RYR1: variants seen among roughly 807,000 people sequenced by gnomAD.
The protein encoded by RYR1 is ryanodine receptor 1, also known as central core disease of muscle.
RYR1 carries 342 observed loss-of-function variants against 583.5 expected under a neutral mutation model. That is an observed-to-expected ratio of 0.59 (90% CI 0.54 to 0.64). RYR1 has a LOEUF of 0.64. RYR1 is among the 30% of genes least tolerant of loss of function. RYR1 has a pLI of 0.00. For missense variants in RYR1, 6,032 were observed against 6,917.2 expected (o/e 0.87, Z 4.54); for synonymous variants, 2,791 against 2,822.5 (o/e 0.99, Z 0.35).
chr19:38,459,311 C>G lies in RYR1; in HGVS notation c.2333C>G (p.Pro778Arg). Reference protein sequence around the residue: ...ESFNLDGLFFPVVSFSAGVKV... With the variant: ...ESFNLDGLFFRVVSFSAGVKV... The stretch of plus-strand genomic sequence containing the variant: ...TTCAACCTGGACGGGCTCTTCTTCC[C>G]TGTTGTCAGCTTCTCGGCTGGTGTC... The change falls in exon 19 of 106, where the codon CCT (proline) becomes CGT (arginine). Residue 778 changes from proline (P) to arginine (R), a missense_variant. Pro to Arg is a moderately radical substitution (Grantham distance 103). This residue lies in a region of RYR1 where 2,627 missense variants were observed against 2,961.3 expected (regional missense o/e 0.89). Transcript: ENST00000359596. 1 of 1,614,090 alleles carries G rather than the reference C, an allele frequency of 6.2e-7. No individual in the cohort carries two copies. The highest frequency in any genetic ancestry group is 8.5e-7 in the Non-Finnish European group (1 of 1,180,002).
rs1320544963 is a variant in RYR1, at chr19:38,464,625, TC to T, written c.2787-9del. 6.4e-7 allele frequency: 1 copy of T among 1,568,108 alleles called. No homozygotes were observed. The highest frequency in any genetic ancestry group is 1.9e-5 in the Admixed American group (1 of 52,850). On this transcript the variant is annotated splice_polypyrimidine_tract_variant and intron_variant, in intron 22 of 105. Transcript: ENST00000359596. ...GAGGGGCGTGACCTGTCGCCTCCAC[TC>T]CCCCACCCCCAGGACTCTGCTGGCT...
intron 90 of RYR1, 58 bp from the exon 91 acceptor site, chr19:38,564,901 G>C: frequency 3.9e-6 from 6 of 1,538,804 alleles, no homozygotes; most frequent in Non-Finnish European, 5.2e-6. Context: ...CTGCGCTGTC[G>C]CTGCTGTCCG....
At chr19:38,585,805 C>T (rs1974459048) in intron 102 of RYR1, 133 bp from the exon 103 acceptor site, 3 of 1,117,870 alleles carry the variant, frequency 2.7e-6, no homozygotes, top group South Asian at 1.3e-5. Flanking sequence ...ATACTATCTT[C>T]TTAGGAAGCG....
At chr19:38,458,413 C>A in intron 18 of RYR1, 121 bp downstream of exon 18, 2 of 986,802 alleles carry the variant, frequency 2.0e-6, no homozygotes, top group South Asian at 2.8e-5. Flanking sequence ...AACTTTTGAC[C>A]TTTTAGTCCT....
At chr19:38,456,801 C>G (rs1266001411) in intron 16 of RYR1, among the ~76,000 whole-genome samples, 1 of 151,222 alleles carries the variant, frequency 6.6e-6, no homozygotes, top group Middle Eastern at 3.4e-3. Flanking sequence ...AATCCCAGCA[C>G]TTTGGGAGGC....
chr19:38,507,688 C>G (rs769357220), intron 57 of RYR1, 24 bp from the exon 58 acceptor site: 11 of 1,452,310 alleles, frequency 7.6e-6, no homozygotes, highest in Admixed American at 5.0e-5. Flanking sequence ...CTGGGCTGAT[C>G]CTTCTCTCCA....
intron 92 of RYR1, among the ~76,000 whole-genome samples, 196 bp from the exon 93 acceptor site, chr19:38,567,577 A>G (rs1973503449): frequency 6.6e-6 from 1 of 152,236 alleles, no homozygotes; most frequent in African/African-American, 2.4e-5. Context: ...GCCTGGTGTC[A>G]CTGTCACTGC....
chr19:38,437,723 G>A (rs1353051941), intron 1 of RYR1, among the ~76,000 whole-genome samples: 6 of 152,114 alleles, frequency 3.9e-5, no homozygotes, highest in East Asian at 1.9e-4. Flanking sequence ...GGCTGAGGTG[G>A]GAAGATCACT....
chr19:38,485,861 C>A lies in RYR1; in HGVS notation c.5206C>A (p.Pro1736Thr), dbSNP rs778862553. 2.5e-6 allele frequency: 4 copies of A among 1,613,658 alleles called. No individual in the cohort carries two copies. The African/African-American group carries it at 5.3e-5, about 22-fold the overall frequency. ...RRSMLSEYIV[P>T]LTPETRAITL... ...CTCCATGCTCTCTGAATACATCGTG[C>A]CCCTCACGCCTGAGACCCGCGCCAT... is the stretch of plus-strand genomic sequence containing the variant. The change falls in exon 34 of 106, where the codon CCC (proline) becomes ACC (threonine). Residue 1736 changes from proline (P) to threonine (T), a missense_variant. Pro to Thr is a conservative substitution (Grantham distance 38). This residue lies in a region of RYR1 where 2,627 missense variants were observed against 2,961.3 expected (regional missense o/e 0.89). Transcript: ENST00000359596.
intron 18 of RYR1, among the ~76,000 whole-genome samples, chr19:38,458,914 C>T (rs1051658893): frequency 4.6e-5 from 7 of 152,310 alleles, no homozygotes; most frequent in Middle Eastern, 3.4e-3. Context: ...CCACTGCATC[C>T]GGCCCCCAGG....
chr19:38,545,114 G>T (rs1278559839), intron 87 of RYR1, among the ~76,000 whole-genome samples: 2 of 152,040 alleles, frequency 1.3e-5, no homozygotes, highest in Non-Finnish European at 2.9e-5. Context: ...TAGCCTATTG[G>T]GTCACATGTC....
In RYR1 at chr19:38,500,096, C is replaced by T. The variant is rs1970039069; in HGVS notation, c.7323+80C>T. ...AACGCCTCATGCAGGCACTCGGTGA[C>T]ACGGAGTGAGCTCCCATATGTGGGT... On this transcript the variant is annotated intron_variant, in intron 45 of 105. Coordinates refer to ENST00000359596, the MANE Select transcript of RYR1 (RefSeq NM_000540.3). This position sits in a 1 kb window ranked among gnomAD's most constrained non-coding sequence, Gnocchi z 5.9. The T allele has an allele frequency of 8.0e-6, 10 of 1,245,348 alleles. No individual in the cohort carries two copies. In the Admixed American group the frequency reaches 1.6e-4, roughly 20 times the overall value. 77.1% of individuals were successfully genotyped at this position (1,245,348 alleles called of 1,614,324 possible).
chr19:38,466,485 C>CATTTGGGGG, intron 24 of RYR1, 87 bp downstream of exon 24: 1 of 1,297,516 alleles, frequency 7.7e-7, no homozygotes, highest in Non-Finnish European at 1.1e-6. Flanking sequence ...TGACTCAGCC[C>CATTTGGGGG]CCAAATGGGC....
chr19:38,485,836 C>T lies in RYR1; in HGVS notation c.5181C>T (p.Arg1727=), dbSNP rs1339032503. ...IHLESACRSR[R]SMLSEYIVPL... is the part of the protein sequence containing the mutation. The stretch of plus-strand genomic sequence containing the variant: ...TCGAAAGTGCCTGCCGCAGCCGCCG[C>T]TCCATGCTCTCTGAATACATCGTGC... The change falls in exon 34 of 106, where the codon CGC becomes CGT. Residue 1727 remains arginine (R), a synonymous_variant. Transcript: ENST00000359596. The T allele has an allele frequency of 6.2e-7, 1 of 1,613,718 alleles. No individual in the cohort carries two copies. The highest frequency in any genetic ancestry group is 1.3e-5 in the African/African-American group (1 of 74,944).
At position 38,440,725 on chromosome 19, in the gene RYR1, G is replaced by A. The variant is rs770059926; in HGVS notation, c.46-20G>A. 15 of 1,603,256 alleles carry A rather than the reference G, an allele frequency of 9.4e-6. No homozygotes were observed. The highest frequency in any genetic ancestry group is 2.7e-5 in the African/African-American group (2 of 74,706). On this transcript the variant is annotated intron_variant, in intron 1 of 105. Coordinates refer to ENST00000359596, the MANE Select transcript of RYR1 (RefSeq NM_000540.3). The stretch of plus-strand genomic sequence containing the variant: ...ATCCGGGCCAGGCCCCCCTGGAGAC[G>A]CTGCCCCTCGGTTCCGCAGGACGAT...
At position 38,561,306 on chromosome 19, in the gene RYR1, T is replaced by G; in HGVS notation, c.12476T>G (p.Leu4159Arg). The G allele has an allele frequency of 6.2e-7, 1 of 1,614,046 alleles. No individual in the cohort carries two copies. The highest frequency in any genetic ancestry group is 8.5e-7 in the Non-Finnish European group (1 of 1,180,036). ...GAGCATGTGCCGCATGACCCTCGCC[T>G]GCACAACTTCCTGGAGCTGGCCGAG... ...LSEHVPHDPR[L>R]HNFLELAESI... The change falls in exon 90 of 106, where the codon CTG (leucine) becomes CGG (arginine). Residue 4159 changes from leucine (L) to arginine (R), a missense_variant. By Grantham distance (102) the Leu-to-Arg change is moderately radical. Transcript: ENST00000359596. This position sits in a 1 kb window ranked among gnomAD's most constrained non-coding sequence, Gnocchi z 4.8.
Position 38,444,022 on chromosome 19 carries a change from G to A in RYR1, c.425-127G>A. 1 of 870,878 alleles carries A rather than the reference G, an allele frequency of 1.1e-6. No individual in the cohort carries two copies. Among genetic ancestry groups the A allele is most frequent in the Non-Finnish European group, 1.9e-6 (1 of 522,096 alleles). The allele number at this position is 870,878 out of a possible 1,614,324, so 53.9% of individuals were successfully genotyped here. ...GGAACGGGGAACTGTTAGGCAGAGAGTTGGTGGCAGTGATAGGAGAGTTGT... is the reference window on the plus strand; with the variant it reads ...GGAACGGGGAACTGTTAGGCAGAGAATTGGTGGCAGTGATAGGAGAGTTGT... On this transcript the variant is annotated intron_variant, in intron 5 of 105. Coordinates refer to ENST00000359596, the MANE Select transcript of RYR1 (RefSeq NM_000540.3). The surrounding 1 kb of genome is among the most constrained non-coding windows in gnomAD (Gnocchi z 5.1).
chr19:38,557,466 C>T (rs1452013462), intron 89 of RYR1, among the ~76,000 whole-genome samples: 2 of 152,094 alleles, frequency 1.3e-5, no homozygotes, highest in Non-Finnish European at 2.9e-5. Context: ...CGGCTGGTGG[C>T]GGAAGGCCTT....
chr19:38,491,674 C>T (rs1969558085), intron 37 of RYR1, among the ~76,000 whole-genome samples: 1 of 152,120 alleles, frequency 6.6e-6, no homozygotes, highest in African/African-American at 2.4e-5. Flanking sequence ...AAGCAATTTG[C>T]ATGCCTGGGC....
Sources: gnomAD v4.1 joint callset for allele counts (sites outside exome capture counted in the v4.1 genomes callset) on GRCh38, gnomAD v4.1.1 for gene constraint, gnomAD v4.1.1 regional missense constraint, Gnocchi (gnomAD v3.1) non-coding constraint, MANE v1.5 for transcripts, NCBI Gene and HGNC (gene_info 2026-07-23, HGNC 2026-07-21) for gene names.